Variants in HS3ST4 observed in about 807,000 individuals in gnomAD.
HS3ST4 encodes the protein heparan sulfate-glucosamine 3-sulfotransferase 4, also known as heparan sulfate glucosamine 3-O-sulfotransferase 4.
In HS3ST4, 17 loss-of-function variants were observed where a neutral mutation model predicts 29.2. The observed-to-expected ratio is 0.58, with a 90% CI of 0.40 to 0.87. The LOEUF (loss-of-function observed/expected upper bound fraction) is 0.87. Among genes scored for constraint, HS3ST4 ranks in the 40% least tolerant of loss-of-function variants. HS3ST4 has a pLI of 0.00. For synonymous variants in HS3ST4, 314 were observed against 285.7 expected, an observed-to-expected ratio of 1.10 and a Z score of -1.00; for missense variants, 627 against 634.5, an observed-to-expected ratio of 0.99 and a Z score of 0.13.
At chr16:26,085,106 A>G (rs183057386) in intron 1 of HS3ST4, among the ~76,000 whole-genome samples, 19 of 152,326 alleles carry the variant, frequency 1.2e-4, no homozygotes, top group South Asian at 2.1e-4. Flanking sequence ...CTTTTGCTCA[A>G]CCGGCTTTCT....
chr16:25,856,725 T>C (rs939391315), intron 1 of HS3ST4, among the ~76,000 whole-genome samples: 5 of 152,206 alleles, frequency 3.3e-5, no homozygotes, highest in African/African-American at 7.2e-5. Flanking sequence ...TTCAAAGCAG[T>C]CCTGAACCAT....
intron 1 of HS3ST4, among the ~76,000 whole-genome samples, chr16:25,843,944 T>C (rs1274837722): frequency 1.3e-5 from 2 of 152,206 alleles, no homozygotes; most frequent in Admixed American, 6.5e-5. Flanking sequence ...CTAAAGTTTG[T>C]ACCCTGGATT....
intron 1 of HS3ST4, among the ~76,000 whole-genome samples, chr16:26,116,593 A>G (rs545658009): frequency 6.6e-6 from 1 of 152,338 alleles, no homozygotes; most frequent in East Asian, 1.9e-4. Context: ...GATAGCAATA[A>G]CATATGTAGC....
Position 25,774,110 on chromosome 16 carries a change from A to G in HS3ST4, c.734+80959A>G, listed in dbSNP as rs74791220. 1.1e-3 allele frequency among the ~76,000 whole-genome samples: 164 copies of G among 152,366 alleles called. 1 individual carries two copies. The East Asian group carries it at 0.028, about 26-fold the overall frequency. ...TGTTGCTAAGAACTAGTCCCTGCCCATGCAGGTAAATAAGTAAGAGATAGT... is the reference window on the plus strand; with the variant it reads ...TGTTGCTAAGAACTAGTCCCTGCCCGTGCAGGTAAATAAGTAAGAGATAGT... On this transcript the variant is annotated intron_variant, in intron 1 of 1. Coordinates refer to ENST00000331351, the MANE Select transcript of HS3ST4 (RefSeq NM_006040.3).
chr16:26,077,051 TCTG>T (rs1285801017), intron 1 of HS3ST4, among the ~76,000 whole-genome samples: 1 of 152,196 alleles, frequency 6.6e-6, no homozygotes, highest in African/African-American at 2.4e-5. Flanking sequence ...GAGAGGCTCT[TCTG>T]CTCTACTCAC....
chr16:25,944,478 A>G (rs8048708), intron 1 of HS3ST4, among the ~76,000 whole-genome samples: 89,795 of 152,190 alleles, frequency 0.59, 27,046 homozygotes, highest in African/African-American at 0.63. Context: ...CCTGGGGGGT[A>G]GGCACTAAAA....
intron 1 of HS3ST4, among the ~76,000 whole-genome samples, chr16:25,894,345 T>C (rs1968038767): frequency 6.6e-6 from 1 of 152,142 alleles, no homozygotes; most frequent in Non-Finnish European, 1.5e-5. Context: ...AAGAAGTCAC[T>C]AGTCAATAAA....
chr16:26,062,039 T>G (rs1898482169), intron 1 of HS3ST4, among the ~76,000 whole-genome samples: 1 of 152,226 alleles, frequency 6.6e-6, no homozygotes, highest in Non-Finnish European at 1.5e-5. Flanking sequence ...CTACATCATG[T>G]GTTCTACCAT....
intron 1 of HS3ST4, among the ~76,000 whole-genome samples, chr16:25,931,459 C>G (rs988020522): frequency 6.6e-6 from 1 of 152,228 alleles, no homozygotes; most frequent in East Asian, 1.9e-4. Context: ...GTGCAGGGCA[C>G]AAACGATAAC....
intron 1 of HS3ST4, among the ~76,000 whole-genome samples, chr16:25,742,556 G>A (rs1966661780): frequency 1.3e-5 from 2 of 152,174 alleles, no homozygotes; most frequent in Non-Finnish European, 2.9e-5. Flanking sequence ...GGTTCCCAGA[G>A]GATAATAGGG....
chr16:25,829,103 G>A (rs769322313), intron 1 of HS3ST4, among the ~76,000 whole-genome samples: 1 of 152,172 alleles, frequency 6.6e-6, no homozygotes, highest in Non-Finnish European at 1.5e-5. Flanking sequence ...ACGGCTTAGT[G>A]TGCAACAAGT....
intron 1 of HS3ST4, among the ~76,000 whole-genome samples, chr16:25,745,869 A>T (rs544888902): frequency 1.3e-5 from 2 of 152,186 alleles, no homozygotes; most frequent in South Asian, 2.1e-4. Flanking sequence ...CTTGGATTTG[A>T]TTTCTTCATC....
At chr16:25,878,007 T>C (rs1453263980) in intron 1 of HS3ST4, among the ~76,000 whole-genome samples, 1 of 152,140 alleles carries the variant, frequency 6.6e-6, no homozygotes, top group Non-Finnish European at 1.5e-5. Flanking sequence ...TGTGTCTCTG[T>C]GGAAGGAATC....
intron 1 of HS3ST4, among the ~76,000 whole-genome samples, chr16:26,030,256 G>A (rs571984518): frequency 6.6e-6 from 1 of 152,262 alleles, no homozygotes; most frequent in South Asian, 2.1e-4. Flanking sequence ...CTGTAAAAAG[G>A]AAATAGCTGG....
chr16:26,079,045 C>T (rs1898697241), intron 1 of HS3ST4, among the ~76,000 whole-genome samples: 1 of 152,224 alleles, frequency 6.6e-6, no homozygotes, highest in South Asian at 2.1e-4. Context: ...AGAAGGGGCT[C>T]TTCCCAGGAA....
chr16:25,706,533 G>T (rs1966377368), intron 1 of HS3ST4, among the ~76,000 whole-genome samples: 1 of 151,974 alleles, frequency 6.6e-6, no homozygotes, highest in Non-Finnish European at 1.5e-5. Flanking sequence ...CCGTCCCCTA[G>T]CTCCCCACCC....
intron 1 of HS3ST4, among the ~76,000 whole-genome samples, chr16:25,697,129 A>G (rs1966303665): frequency 6.6e-6 from 1 of 152,230 alleles, no homozygotes; most frequent in East Asian, 1.9e-4. Context: ...TTATTTAAAA[A>G]ATATCTACCA....
At chr16:25,878,365 A>G (rs115962361) in intron 1 of HS3ST4, among the ~76,000 whole-genome samples, 85,363 of 151,480 alleles carry the variant, frequency 0.56, 24,765 homozygotes, top group Non-Finnish European at 0.63. Flanking sequence ...CAGGGGTGTA[A>G]TTCTAAATTC....
chr16:25,741,472 T>C lies in HS3ST4; in HGVS notation c.734+48321T>C, dbSNP rs116984609. 1.3e-4 allele frequency among the ~76,000 whole-genome samples: 20 copies of C among 151,936 alleles called. No homozygotes were observed. The East Asian group carries it at 3.9e-3, about 29-fold the overall frequency. On this transcript the variant is annotated intron_variant, in intron 1 of 1. Transcript: ENST00000331351. ...CAAAGTACTTTGAGGGTCCTGCTTC[T>C]TGTTGAACTTGGTTGAACTTCAGAT...
Sources: allele counts gnomAD v4.1 joint callset (sites outside exome capture counted in the v4.1 genomes callset), GRCh38; gene constraint gnomAD v4.1.1; transcripts MANE v1.5; gene names NCBI Gene and HGNC (gene_info 2026-07-23, HGNC 2026-07-21).